The following PSMD5 variants were observed in gnomAD, a reference collection of about 807,000 sequenced individuals.
The protein encoded by PSMD5 is proteasome 26S subunit, non-ATPase 5.
A neutral mutation model predicts 52.1 loss-of-function variants in PSMD5; 40 were observed. The observed-to-expected ratio is 0.77, with a 90% CI of 0.60 to 1.00. PSMD5 has a LOEUF of 1.00. Ranked by LOEUF, PSMD5 falls within the 50% of genes least tolerant of loss-of-function variation. The pLI, the probability that PSMD5 is intolerant of heterozygous loss-of-function variation, is 0.00. For synonymous variants in PSMD5, 211 were observed against 226.6 expected, an observed-to-expected ratio of 0.93 and a Z score of 0.62; for missense variants, 575 against 605.2, an observed-to-expected ratio of 0.95 and a Z score of 0.52.
At chr9:120,832,555 C>G (rs1324532963) in intron 2 of PSMD5, among the ~76,000 whole-genome samples, 6 of 152,148 alleles carry the variant, frequency 3.9e-5, no homozygotes, top group African/African-American at 1.4e-4. Context: ...TGCCATCATG[C>G]CCAGCTAATT....
intron 6 of PSMD5, 173 bp from the exon 7 acceptor site, chr9:120,824,858 G>T: frequency 1.8e-6 from 1 of 544,414 alleles, no homozygotes; most frequent in Non-Finnish European, 3.1e-6. Flanking sequence ...AAGGACCTGT[G>T]ATGTGTGATC....
chr9:120,821,821 C>A (rs1225536693), intron 7 of PSMD5, among the ~76,000 whole-genome samples: 1 of 152,220 alleles, frequency 6.6e-6, no homozygotes, highest in Non-Finnish European at 1.5e-5. Context: ...AGGCTTCCTC[C>A]ATGCTGTAGC....
intron 3 of PSMD5, 121 bp from the exon 4 acceptor site, chr9:120,831,580 A>C: frequency 2.3e-6 from 3 of 1,281,134 alleles, no homozygotes; most frequent in Non-Finnish European, 3.2e-6. Flanking sequence ...ATTATTTATA[A>C]TTGGAAAAGA....
chr9:120,820,324 C>A (rs1168913561), intron 9 of PSMD5, among the ~76,000 whole-genome samples: 2 of 152,162 alleles, frequency 1.3e-5, no homozygotes, highest in Non-Finnish European at 2.9e-5. Context: ...TAAATAAATG[C>A]AACATATGAG....
At chr9:120,831,750 C>A in intron 3 of PSMD5, 82 bp downstream of exon 3, 1 of 1,525,842 alleles carries the variant, frequency 6.6e-7, no homozygotes, top group South Asian at 1.3e-5. Flanking sequence ...AAACCTTCAC[C>A]TCTCAATTCA....
chr9:120,825,757 A>G (rs570029564), intron 6 of PSMD5, among the ~76,000 whole-genome samples: 2 of 152,222 alleles, frequency 1.3e-5, no homozygotes, highest in African/African-American at 2.4e-5. Context: ...ATTTTTATGC[A>G]CTGATTTTGT....
At chr9:120,841,610 A>AAAACG (rs1468933786) in intron 1 of PSMD5, among the ~76,000 whole-genome samples, 26 of 152,144 alleles carry the variant, frequency 1.7e-4, no homozygotes, top group East Asian at 7.7e-4. Flanking sequence ...AAAACAAAAC[A>AAAACG]AAACACAGAG....
chr9:120,836,261 T>C (rs1230226010), intron 1 of PSMD5, among the ~76,000 whole-genome samples: 1 of 152,246 alleles, frequency 6.6e-6, no homozygotes, highest in Non-Finnish European at 1.5e-5. Context: ...TGGTTGCACA[T>C]GTGGGTTGCA....
At chr9:120,827,016 A>G in intron 5 of PSMD5, 109 bp from the exon 6 acceptor site, 2 of 1,173,430 alleles carry the variant, frequency 1.7e-6, no homozygotes, top group Non-Finnish European at 2.3e-6. Flanking sequence ...CACATTCGAA[A>G]GGTCAATAAT....
At chr9:120,833,185 A>T (rs2045172947) in intron 2 of PSMD5, 127 bp downstream of exon 2, 2 of 1,084,784 alleles carry the variant, frequency 1.8e-6, no homozygotes, top group South Asian at 3.0e-5. Flanking sequence ...AAGAGGGAGC[A>T]GAGGAGAGGG....
In PSMD5 at chr9:120,829,226, AC is replaced by A; in HGVS notation, c.562-19del. On this transcript the variant is annotated intron_variant, in intron 4 of 9. Coordinates refer to ENST00000210313, the MANE Select transcript of PSMD5 (RefSeq NM_005047.4). ...ATAATTAGCTGAAATAAAAAAAAAA[AC>A]ACAGAAAAAAGAAAAAGGTCAAATC... The A allele has an allele frequency of 3.2e-6, 5 of 1,562,802 alleles. No individual in the cohort carries two copies. Among genetic ancestry groups the A allele is most frequent in the Non-Finnish European group, 4.3e-6 (5 of 1,159,268 alleles).
At chr9:120,837,941 C>T (rs371664149) in intron 1 of PSMD5, among the ~76,000 whole-genome samples, 6 of 152,322 alleles carry the variant, frequency 3.9e-5, no homozygotes, top group African/African-American at 1.2e-4. Flanking sequence ...AAGGAATGAA[C>T]TATTTATTCA....
chr9:120,835,729 C>CA (rs112385401), intron 1 of PSMD5, among the ~76,000 whole-genome samples: 5,336 of 136,648 alleles, frequency 0.039, 336 homozygotes, highest in African/African-American at 0.13. Flanking sequence ...AACTCTGTCT[C>CA]AAAAAAAAAA....
rs775075328 is a variant in PSMD5, at chr9:120,831,904, A to T, written c.360T>A (p.Ile120=). The part of the protein sequence containing the change: ...IVENSDAVTE[I]LNNAELLKQI... Reference sequence around the variant, plus strand: ...GTTTTAGTAATTCAGCATTATTTAGAATCTCAGTAACAGCATCAGAATTTT... The same window carrying T: ...GTTTTAGTAATTCAGCATTATTTAGTATCTCAGTAACAGCATCAGAATTTT... The change falls in exon 3 of 10, where the codon ATT becomes ATA. Residue 120 remains isoleucine, a synonymous_variant. Coordinates refer to ENST00000210313, the MANE Select transcript of PSMD5 (RefSeq NM_005047.4). 1 of 1,613,160 alleles carries T rather than the reference A, an allele frequency of 6.2e-7. No homozygotes were observed. Among genetic ancestry groups the T allele is most frequent in the Non-Finnish European group, 8.5e-7 (1 of 1,179,838 alleles).
At chr9:120,830,359 G>A (rs117458389) in intron 4 of PSMD5, among the ~76,000 whole-genome samples, 3 of 152,128 alleles carry the variant, frequency 2.0e-5, no homozygotes, top group Non-Finnish European at 4.4e-5. Context: ...ATGAAGGTTC[G>A]AGCTCAGAAG....
chr9:120,831,605 C>T (rs969160474), intron 3 of PSMD5, 146 bp from the exon 4 acceptor site: 1 of 1,168,462 alleles, frequency 8.6e-7, no homozygotes, highest in Non-Finnish European at 1.2e-6. Flanking sequence ...AGGTATCCCC[C>T]ATAGAATTAT....
chr9:120,816,346 C>T lies in PSMD5; in HGVS notation c.*1560G>A, dbSNP rs2045042348. On this transcript the variant is annotated 3_prime_UTR_variant, in exon 10 of 10. Coordinates refer to ENST00000210313, the MANE Select transcript of PSMD5 (RefSeq NM_005047.4). The stretch of plus-strand genomic sequence containing the variant: ...CATATGTAATATACTGAACTGTACA[C>T]TTAAAATAGTTATGACAAATTTTAT... 1 of 152,056 alleles carries T rather than the reference C, an allele frequency of 6.6e-6. No individual in the cohort carries two copies. The allele number at this position is 152,056 out of a possible 1,614,324, so 9.4% of individuals were successfully genotyped here.
In PSMD5 at chr9:120,816,726, A is replaced by G. The variant is rs1471953562; in HGVS notation, c.*1180T>C. 6.6e-6 allele frequency: 1 copy of G among 152,246 alleles called. No individual in the cohort carries two copies. Among genetic ancestry groups the G allele is most frequent in the Non-Finnish European group, 1.5e-5 (1 of 68,050 alleles). The allele number at this position is 152,246 out of a possible 1,614,324, so 9.4% of individuals were successfully genotyped here. A position where few individuals can be genotyped will look rare whatever the true frequency, so the allele number is the denominator to read the frequency against. Reference sequence around the variant, plus strand: ...GCTTTGGCTTTGCTGTTTAGAGAGAAGAACACTGGAAAACAGGTGGGTGTA... The same window carrying G: ...GCTTTGGCTTTGCTGTTTAGAGAGAGGAACACTGGAAAACAGGTGGGTGTA... On this transcript the variant is annotated 3_prime_UTR_variant, in exon 10 of 10. Transcript: ENST00000210313.
intron 6 of PSMD5, 149 bp downstream of exon 6, chr9:120,826,616 G>A: frequency 1.0e-6 from 1 of 1,002,964 alleles, no homozygotes; most frequent in Non-Finnish European, 1.4e-6. Context: ...GGTTGCTCTA[G>A]ATATCTTCTA....
Sources: allele counts gnomAD v4.1 joint callset (sites outside exome capture counted in the v4.1 genomes callset), GRCh38; gene constraint gnomAD v4.1.1; transcripts MANE v1.5; gene names NCBI Gene and HGNC (gene_info 2026-07-23, HGNC 2026-07-21).